The following LRIG3 variants were observed in gnomAD, a reference collection of about 807,000 sequenced individuals.
LRIG3 encodes the protein leucine rich repeats and immunoglobulin like domains 3.
In LRIG3, 76 loss-of-function variants were observed where a neutral mutation model predicts 114.5. The ratio of observed to expected loss-of-function variants is 0.66; its 90% confidence interval spans 0.55 to 0.80. The LOEUF (loss-of-function observed/expected upper bound fraction) is 0.80, where lower values mean the gene tolerates loss of function less well. Ranked by LOEUF, LRIG3 falls within the 30% of genes least tolerant of loss-of-function variation. The pLI, the probability that LRIG3 is intolerant of heterozygous loss-of-function variation, is 0.00. For synonymous variants in LRIG3, 512 were observed against 519.8 expected (o/e 0.98, Z 0.20); for missense variants, 1,239 against 1,382.8 (o/e 0.90, Z 1.65).
intron 13 of LRIG3, chr12:58,880,311 A>G: frequency 5.3e-6 from 3 of 560,846 alleles, no homozygotes; most frequent in Non-Finnish European, 9.6e-6. Flanking sequence ...AAAAAAAAAA[A>G]AAGAAAAAGA....
chr12:58,872,820 A>T lies in LRIG3; in HGVS notation c.3116-4T>A. 1 of 1,609,332 alleles carries T rather than the reference A, an allele frequency of 6.2e-7. No homozygotes were observed. The highest frequency in any genetic ancestry group is 8.5e-7 in the Non-Finnish European group (1 of 1,177,036). ...CTGAGAGCTTTTCCAAAGGTACCTGAAAGAAAGAAACACCTTGAGCACATG... is the reference window on the plus strand; with the variant it reads ...CTGAGAGCTTTTCCAAAGGTACCTGTAAGAAAGAAACACCTTGAGCACATG... On this transcript the variant is annotated splice_polypyrimidine_tract_variant and splice_region_variant and intron_variant, in intron 18 of 18. Transcript: ENST00000320743.
At chr12:58,914,477 C>A in intron 1 of LRIG3, 141 bp from the exon 2 acceptor site, 1 of 585,030 alleles carries the variant, frequency 1.7e-6, no homozygotes, top group Non-Finnish European at 2.9e-6. Flanking sequence ...TAGATGGCAA[C>A]CAAAATGCCA....
chr12:58,877,938 G>T, intron 14 of LRIG3, 86 bp from the exon 15 acceptor site: 1 of 1,336,312 alleles, frequency 7.5e-7, no homozygotes, highest in Non-Finnish European at 1.0e-6. Flanking sequence ...TATTCAAATT[G>T]TAACCTAAAA....
intron 14 of LRIG3, 131 bp from the exon 15 acceptor site, chr12:58,877,983 C>A: frequency 1.2e-6 from 1 of 845,492 alleles, no homozygotes; most frequent in Admixed American, 2.8e-5. Context: ...ACACACTTTT[C>A]TAAGAGCCTA....
intron 1 of LRIG3, among the ~76,000 whole-genome samples, chr12:58,915,173 G>T (rs1036932763): frequency 6.6e-6 from 1 of 152,124 alleles, no homozygotes; most frequent in Non-Finnish European, 1.5e-5. Flanking sequence ...AAATATTCTT[G>T]GTTATATTCC....
intron 3 of LRIG3, among the ~76,000 whole-genome samples, chr12:58,901,979 A>G (rs544872441): frequency 1.3e-5 from 2 of 152,334 alleles, no homozygotes; most frequent in Admixed American, 1.3e-4. Context: ...ACAACGCACT[A>G]AACTATCAAC....
chr12:58,918,864 C>T (rs1427482463), intron 1 of LRIG3, among the ~76,000 whole-genome samples: 1 of 152,220 alleles, frequency 6.6e-6, no homozygotes, highest in Non-Finnish European at 1.5e-5. Flanking sequence ...AAGGAATATA[C>T]TTTCTGATGG....
At chr12:58,888,190 T>C (rs1592299193) in intron 7 of LRIG3, 139 bp downstream of exon 7, 1 of 1,062,580 alleles carries the variant, frequency 9.4e-7, no homozygotes, top group East Asian at 2.6e-5. Flanking sequence ...ACAACAAAAA[T>C]AAGACTAGGT....
In LRIG3 at chr12:58,889,604, C is replaced by G. The variant is rs556140400; in HGVS notation, c.659+392G>C. 3.9e-5 allele frequency among the ~76,000 whole-genome samples: 6 copies of G among 152,140 alleles called. No homozygotes were observed. In the South Asian group the frequency reaches 1.0e-3, roughly 26 times the overall value. Reference sequence around the variant, plus strand: ...TGCAGGAGTCTGTTCACAGATCGCTCTACCATTATTAACAAGACAGATCTT... The same window carrying G: ...TGCAGGAGTCTGTTCACAGATCGCTGTACCATTATTAACAAGACAGATCTT... On this transcript the variant is annotated intron_variant, in intron 5 of 18. Transcript: ENST00000320743.
chr12:58,884,842 C>G (rs1871225027), intron 10 of LRIG3, among the ~76,000 whole-genome samples: 1 of 152,210 alleles, frequency 6.6e-6, no homozygotes, highest in African/African-American at 2.4e-5. Flanking sequence ...CATATTAAAA[C>G]TTCTGGATAC....
chr12:58,920,413 CA>C lies in LRIG3; in HGVS notation c.-179del. On this transcript the variant is annotated 5_prime_UTR_variant, in exon 1 of 19. Coordinates refer to ENST00000320743, the MANE Select transcript of LRIG3 (RefSeq NM_153377.5). ...CGGCGGCGAAGCCCTTTCATGCCCC[CA>C]AACAGCAGGAGGGAAACCGAAAAGA... 2 of 442,252 alleles carry C rather than the reference CA, an allele frequency of 4.5e-6. No homozygotes were observed. Among genetic ancestry groups the C allele is most frequent in the Non-Finnish European group, 7.7e-6 (2 of 259,328 alleles). 27.4% of individuals were successfully genotyped at this position (442,252 alleles called of 1,614,324 possible).
In LRIG3 at chr12:58,887,804, G is replaced by A. The variant is rs745784004; in HGVS notation, c.1076C>T (p.Ser359Phe). 1 of 1,613,526 alleles carries A rather than the reference G, an allele frequency of 6.2e-7. No individual in the cohort carries two copies. Among genetic ancestry groups the A allele is most frequent in the Admixed American group, 1.7e-5 (1 of 59,994 alleles). Reference sequence around the variant, plus strand: ...TGTAACTTACAAAGTCTTTAAACTGGAAAGCCCCCGGAAGGCACAATCAGC... The same window carrying A: ...TGTAACTTACAAAGTCTTTAAACTGAAAAGCCCCCGGAAGGCACAATCAGC... ...YIADCAFRGL[S>F]SLKTLDLKNN... Residue 359 changes from serine (S) to phenylalanine (F), a missense_variant, in exon 8 of 19, where the codon TCC becomes TTC. Transcript: ENST00000320743.
intron 3 of LRIG3, among the ~76,000 whole-genome samples, chr12:58,901,225 C>T (rs986744121): frequency 1.3e-5 from 2 of 152,178 alleles, no homozygotes; most frequent in Non-Finnish European, 1.5e-5. Flanking sequence ...CAGCTGACTA[C>T]AAACTCAGTA....
intron 3 of LRIG3, among the ~76,000 whole-genome samples, chr12:58,912,937 T>C (rs2120984063): frequency 6.6e-6 from 1 of 152,398 alleles, no homozygotes; most frequent in South Asian, 2.1e-4. Flanking sequence ...TTTCTGTTTC[T>C]GATCTTTGGA....
At chr12:58,902,449 C>T (rs1871890153) in intron 3 of LRIG3, among the ~76,000 whole-genome samples, 1 of 152,166 alleles carries the variant, frequency 6.6e-6, no homozygotes, top group South Asian at 2.1e-4. Context: ...CCTTCCACCT[C>T]ACTCTAGAGA....
Position 58,872,555 on chromosome 12 carries a change from C to A in LRIG3, c.*17G>T. The A allele has an allele frequency of 6.3e-7, 1 of 1,576,840 alleles. No homozygotes were observed. The highest frequency in any genetic ancestry group is 1.2e-5 in the South Asian group (1 of 85,624). ...CTTGAGGTAGTATGTTAAGCTTTTC[C>A]TTTGGTCTCATTCAGTCTATGTGTC... On this transcript the variant is annotated 3_prime_UTR_variant, in exon 19 of 19. Coordinates refer to ENST00000320743, the MANE Select transcript of LRIG3 (RefSeq NM_153377.5).
At position 58,903,333 on chromosome 12, in the gene LRIG3, A is replaced by T. The variant is rs554085976; in HGVS notation, c.383+10649T>A. On this transcript the variant is annotated intron_variant, in intron 3 of 18. Coordinates refer to ENST00000320743, the MANE Select transcript of LRIG3 (RefSeq NM_153377.5). ...TCTCTGATGGCCAGTGATGATGAGCATTTTTTCATGTCTTTTGGCTGCATA... is the reference window on the plus strand; with the variant it reads ...TCTCTGATGGCCAGTGATGATGAGCTTTTTTTCATGTCTTTTGGCTGCATA... Among the ~76,000 whole-genome samples the T allele has an allele frequency of 3.2e-3, 494 of 152,150 alleles. 1 individual carries two copies. The highest frequency in any genetic ancestry group is 0.012 in the African/African-American group (480 of 41,518).
intron 14 of LRIG3, 73 bp from the exon 15 acceptor site, chr12:58,877,925 A>T: frequency 7.1e-7 from 1 of 1,408,996 alleles, no homozygotes; most frequent in Non-Finnish European, 9.5e-7. Flanking sequence ...TAGCATTTAA[A>T]CTTATTCAAA....
chr12:58,874,356 AAGG>A (rs1870841625), intron 17 of LRIG3, 26 bp from the exon 18 acceptor site: 4 of 1,607,426 alleles, frequency 2.5e-6, no homozygotes, highest in Non-Finnish European at 2.5e-6. Context: ...GCAGTAACAG[AAGG>A]AGATTACAGT....
Sources: allele counts gnomAD v4.1 joint callset (sites outside exome capture counted in the v4.1 genomes callset), GRCh38; gene constraint gnomAD v4.1.1; transcripts MANE v1.5; gene names NCBI Gene and HGNC (gene_info 2026-07-23, HGNC 2026-07-21).